The following BAHCC1 variants were observed in gnomAD, a reference collection of about 807,000 sequenced individuals.
BAHCC1 encodes BAH and coiled-coil domain-containing protein 1.
A neutral mutation model predicts 88.2 loss-of-function variants in BAHCC1; 43 were observed. The ratio of observed to expected loss-of-function variants is 0.49; its 90% CI spans 0.38 to 0.63. BAHCC1 has a LOEUF of 0.63. Ranked by LOEUF, BAHCC1 falls within the 20% of genes least tolerant of loss-of-function variation. The probability of loss-of-function intolerance (pLI) is 0.00; values close to 1 mark genes in which losing one functional copy is unlikely to be tolerated. For synonymous variants in BAHCC1, 1,510 were observed against 745.5 expected (o/e 2.03, Z -16.71); for missense variants, 3,023 against 1,654.8 (o/e 1.83, Z -14.34).
chr17:81,395,909 C>G (rs2063741961), intron 1 of BAHCC1: 1 of 151,698 alleles, frequency 6.6e-6, no homozygotes, highest in Non-Finnish European at 1.5e-5. Flanking sequence ...CCTTGCTTTG[C>G]TCTGAGCGCT....
rs555889807 is a variant in BAHCC1 at position 81,444,150 on chromosome 17, T to C, written c.2325-231T>C. The C allele has an allele frequency of 8.3e-6, 5 of 602,348 alleles. No individual in the cohort carries two copies. The East Asian group carries it at 1.1e-4, about 13-fold the overall frequency. The allele number at this position is 602,348 out of a possible 1,614,324, so 37.3% of individuals were successfully genotyped here. A position where few individuals can be genotyped will look rare whatever the true frequency, so the allele number is the denominator to read the frequency against. ...TTACCCACTTTCAGGGGCCAGGAGA[T>C]GGCCCCCAGTCAGCCCTGCAGAGCA... is the stretch of plus-strand genomic sequence containing the variant. On this transcript the variant is annotated intron_variant, in intron 6 of 27. Coordinates refer to ENST00000675386, the MANE Select transcript of BAHCC1 (RefSeq NM_001377448.1).
intron 2 of BAHCC1, among the ~76,000 whole-genome samples, chr17:81,415,929 G>C (rs2064014961): frequency 6.6e-6 from 1 of 151,970 alleles, no homozygotes; most frequent in African/African-American, 2.4e-5. Context: ...GGGAGACCAT[G>C]GGCCTCACAC....
chr17:81,399,889 G>A lies in BAHCC1; in HGVS notation c.150G>A (p.Pro50=), dbSNP rs2063792032. ...ACTTCCAGCCGGGAAAGTACTTCCC[G>A]TCGCCGTTGCCCATGGCTTCGCACA... ...PAHFQPGKYF[P]SPLPMASHTA... The change falls in exon 2 of 28, where the codon CCG becomes CCA. Residue 50 remains proline, a synonymous_variant. Coordinates refer to ENST00000675386, the MANE Select transcript of BAHCC1 (RefSeq NM_001377448.1). The surrounding 1 kb of genome is among the most constrained non-coding windows in gnomAD (Gnocchi z 4.5). 7 of 1,448,700 alleles carry A rather than the reference G, an allele frequency of 4.8e-6. No individual in the cohort carries two copies. Among genetic ancestry groups the A allele is most frequent in the South Asian group, 2.7e-5 (2 of 74,096 alleles). The allele number at this position is 1,448,700 out of a possible 1,614,324, so 89.7% of individuals were successfully genotyped here.
At position 81,426,329 on chromosome 17, in the gene BAHCC1, TTGG is replaced by T. The variant is rs1598473255; in HGVS notation, c.179-465_179-463del. ...GGGGTGATAGTGGTGGGTGATGTGG[TTGG>T]TGGTGATAGTCGTGGGTGATGTGGT... On this transcript the variant is annotated intron_variant, in intron 2 of 27. Transcript: ENST00000675386. Among the ~76,000 whole-genome samples, 7 of 149,240 alleles carry T rather than the reference TTGG, an allele frequency of 4.7e-5. No individual in the cohort carries two copies. In the East Asian group the frequency reaches 1.2e-3, roughly 26 times the overall value.
At chr17:81,417,074 G>T (rs1044806506) in intron 2 of BAHCC1, among the ~76,000 whole-genome samples, 2 of 152,160 alleles carry the variant, frequency 1.3e-5, no homozygotes, top group Non-Finnish European at 2.9e-5. Context: ...GAGTGTAGGA[G>T]GGCAGGTGGG....
chr17:81,443,948 G>A (rs1416022006), intron 6 of BAHCC1, 31 bp downstream of exon 6: 16 of 705,418 alleles, frequency 2.3e-5, no homozygotes, highest in Middle Eastern at 2.3e-4. Flanking sequence ...CCTGGAGAGT[G>A]GGGCTAGGCC....
intron 4 of BAHCC1, among the ~76,000 whole-genome samples, chr17:81,439,954 C>G (rs2064388454): frequency 6.6e-6 from 1 of 152,174 alleles, no homozygotes; most frequent in South Asian, 2.1e-4. Context: ...GCCTGCACTT[C>G]CTCGCCTGCA....
intron 2 of BAHCC1, chr17:81,422,905 G>T (rs2064132260): frequency 3.0e-6 from 1 of 330,192 alleles, no homozygotes; most frequent in African/African-American, 2.3e-5. Context: ...CCAACTCCGA[G>T]GGGAGCCCAC....
chr17:81,446,743 C>T (rs975281808), intron 10 of BAHCC1: 14 of 574,666 alleles, frequency 2.4e-5, no homozygotes, highest in Admixed American at 1.3e-4. Flanking sequence ...TGTAGTGGCA[C>T]GTGCTCACTC....
chr17:81,439,648 C>T (rs1437602291), intron 4 of BAHCC1, among the ~76,000 whole-genome samples: 5 of 151,820 alleles, frequency 3.3e-5, no homozygotes, highest in Admixed American at 6.5e-5. Flanking sequence ...AGATGGTTTC[C>T]GCACAGCTCC....
chr17:81,460,215 G>A (rs1032991044), intron 23 of BAHCC1, 62 bp from the exon 24 acceptor site: 47 of 702,668 alleles, frequency 6.7e-5, no homozygotes, highest in South Asian at 2.7e-4. Context: ...TGGCAGCCCC[G>A]CCTCCCTGTT....
chr17:81,413,798 G>C (rs1378331660), intron 2 of BAHCC1, among the ~76,000 whole-genome samples: 1 of 152,254 alleles, frequency 6.6e-6, no homozygotes, highest in Non-Finnish European at 1.5e-5. Context: ...TGTACCAGCC[G>C]GGTTAAGGTG....
intron 2 of BAHCC1, among the ~76,000 whole-genome samples, chr17:81,415,298 C>G (rs968029594): frequency 1.3e-5 from 2 of 152,238 alleles, no homozygotes; most frequent in Admixed American, 6.5e-5. Context: ...CTCTTGGGGT[C>G]GCAGCAGGGT....
At chr17:81,450,374 G>A (rs899286) in intron 11 of BAHCC1, among the ~76,000 whole-genome samples, 25,645 of 152,044 alleles carry the variant, frequency 0.17, 2,445 homozygotes, top group East Asian at 0.3. Context: ...ACCTGGGCCC[G>A]ACCCTGCATG....
intron 14 of BAHCC1, 111 bp downstream of exon 14, chr17:81,452,962 C>T (rs574882187): frequency 1.5e-5 from 9 of 601,242 alleles, no homozygotes; most frequent in Non-Finnish European, 2.6e-5. Context: ...GGTGCCCCTT[C>T]ACACCTACTC....
Position 81,443,137 on chromosome 17 carries a change from C to T in BAHCC1, c.1788C>T (p.Ile596=). The part of the protein sequence containing the change: ...VQAGQGTAMA[I]SEERKAGAYL... ...CAGGCCAGGGCACCGCCATGGCCAT[C>T]AGCGAGGAGCGCAAGGCTGGCGCCT... The change falls in exon 5 of 28, where the codon ATC becomes ATT. Residue 596 remains isoleucine (I), a synonymous_variant. Transcript: ENST00000675386. 1 of 777,756 alleles carries T rather than the reference C, an allele frequency of 1.3e-6. No homozygotes were observed. The highest frequency in any genetic ancestry group is 2.4e-6 in the Non-Finnish European group (1 of 416,908). The allele number at this position is 777,756 out of a possible 1,614,324, so 48.2% of individuals were successfully genotyped here.
intron 2 of BAHCC1, 99 bp downstream of exon 2, chr17:81,400,016 TTTCCCG>T: frequency 9.6e-7 from 1 of 1,042,318 alleles, no homozygotes; most frequent in East Asian, 3.7e-5. Context: ...TTTGGTTTCA[TTTCCCG>T]GCCCCGGCCG....
rs1555659162 is a variant in BAHCC1, at chr17:81,461,137, C to T, written c.6474C>T (p.Phe2158=). The change falls in exon 26 of 28, where the codon TTC becomes TTT. Residue 2158 remains phenylalanine (F), a synonymous_variant. Coordinates refer to ENST00000675386, the MANE Select transcript of BAHCC1 (RefSeq NM_001377448.1). ...GCAACGGCTTCCGCGCCGACTCCTT[C>T]AGCAGCCTGGCCAGCTCCTACGCGC... The part of the protein sequence containing the change: ...IFGNGFRADS[F]SSLASSYAPF... 1.3e-6 allele frequency: 1 copy of T among 762,664 alleles called. No individual in the cohort carries two copies. Among genetic ancestry groups the T allele is most frequent in the Non-Finnish European group, 2.4e-6 (1 of 415,568 alleles). The allele number at this position is 762,664 out of a possible 1,614,324, so 47.2% of individuals were successfully genotyped here. A position where few individuals can be genotyped will look rare whatever the true frequency, so the allele number is the denominator to read the frequency against.
intron 10 of BAHCC1, among the ~76,000 whole-genome samples, chr17:81,446,101 T>C (rs1555654268): frequency 6.6e-6 from 1 of 151,762 alleles, no homozygotes; most frequent in African/African-American, 2.4e-5. Context: ...TGGGGGGGTC[T>C]CGGGCCTGGC....
Sources: allele counts gnomAD v4.1 joint callset (sites outside exome capture counted in the v4.1 genomes callset), GRCh38; gene constraint gnomAD v4.1.1; non-coding constraint Gnocchi (gnomAD v3.1); transcripts MANE v1.5; gene names NCBI Gene and HGNC (gene_info 2026-07-23, HGNC 2026-07-21).